Variants in PRUNE2 observed in about 807,000 individuals in gnomAD.
PRUNE2 encodes the protein protein prune homolog 2.
PRUNE2 carries 164 observed loss-of-function variants against 252.0 expected under a neutral mutation model. The observed-to-expected ratio is 0.65, with a 90% CI of 0.57 to 0.74. The LOEUF is 0.74. PRUNE2 is among the 30% of genes least tolerant of loss of function. PRUNE2 has a pLI of 0.00. For synonymous variants in PRUNE2, 1,292 were observed against 1,350.2 expected (o/e 0.96, Z 0.94); for missense variants, 3,495 against 3,711.0 (o/e 0.94, Z 1.51).
Position 76,708,374 on chromosome 9 carries a change from C to G in PRUNE2, c.3900G>C (p.Leu1300Phe), listed in dbSNP as rs2046459291. ...RETLQSDAASLATRLENPGYF... is the reference protein window; with the variant it reads ...RETLQSDAASFATRLENPGYF... ...ACCCTGGATTCTCAAGCCTAGTCGC[C>G]AAGGATGCTGCATCACTTTGCAGGG... Residue 1300 changes from leucine to phenylalanine, a missense_variant, in exon 8 of 19, where the codon TTG becomes TTC. Transcript: ENST00000376718. 1 of 1,613,716 alleles carries G rather than the reference C, an allele frequency of 6.2e-7. No individual in the cohort carries two copies. Among genetic ancestry groups the G allele is most frequent in the Non-Finnish European group, 8.5e-7 (1 of 1,179,900 alleles).
At chr9:76,719,494 C>CT (rs1406997240) in intron 6 of PRUNE2, among the ~76,000 whole-genome samples, 1 of 151,478 alleles carries the variant, frequency 6.6e-6, no homozygotes, top group East Asian at 1.9e-4. Context: ...GAAATATATT[C>CT]TTTTTTTTAG....
intron 9 of PRUNE2, among the ~76,000 whole-genome samples, chr9:76,665,256 C>G (rs895274215): frequency 2.6e-5 from 4 of 152,196 alleles, no homozygotes; most frequent in African/African-American, 9.7e-5. Context: ...TTCTCATTCC[C>G]CACTCCCCAC....
At chr9:76,683,921 T>C (rs1174791060) in intron 9 of PRUNE2, among the ~76,000 whole-genome samples, 1 of 150,896 alleles carries the variant, frequency 6.6e-6, no homozygotes, top group Non-Finnish European at 1.5e-5. Context: ...ACATAAAATA[T>C]ATATAGTATA....
intron 16 of PRUNE2, among the ~76,000 whole-genome samples, chr9:76,625,421 A>G (rs1359444692): frequency 6.6e-6 from 1 of 152,208 alleles, no homozygotes; most frequent in Non-Finnish European, 1.5e-5. Context: ...GGTGGTTTGT[A>G]TAAGTTCACT....
At chr9:76,845,234 TATG>T (rs2059613555) in intron 4 of PRUNE2, among the ~76,000 whole-genome samples, 1 of 152,214 alleles carries the variant, frequency 6.6e-6, no homozygotes, top group African/African-American at 2.4e-5. Context: ...TGTAGAAAAT[TATG>T]ATAATGAGCT....
At chr9:76,650,822 G>A (rs142382537) in intron 11 of PRUNE2, among the ~76,000 whole-genome samples, 6 of 152,122 alleles carry the variant, frequency 3.9e-5, no homozygotes, top group Non-Finnish European at 8.8e-5. Context: ...TGCTTTGCTC[G>A]ACAGTTTTAC....
intron 6 of PRUNE2, among the ~76,000 whole-genome samples, chr9:76,751,090 G>A (rs774115937): frequency 3.9e-5 from 6 of 152,164 alleles, no homozygotes; most frequent in East Asian, 1.9e-4. Flanking sequence ...ATCTAGACCC[G>A]TAACATACGC....
At chr9:76,875,267 C>A (rs1275130249) in intron 1 of PRUNE2, among the ~76,000 whole-genome samples, 1 of 152,232 alleles carries the variant, frequency 6.6e-6, no homozygotes, top group Non-Finnish European at 1.5e-5. Context: ...ACCTTCAATA[C>A]TCTTCAGTAC....
chr9:76,803,450 C>T (rs934953227), intron 6 of PRUNE2, among the ~76,000 whole-genome samples: 1 of 152,126 alleles, frequency 6.6e-6, no homozygotes, highest in Non-Finnish European at 1.5e-5. Context: ...CTAATTCTTG[C>T]CCTGATCCTA....
intron 9 of PRUNE2, among the ~76,000 whole-genome samples, chr9:76,669,616 A>G (rs2040916915): frequency 6.6e-6 from 1 of 152,186 alleles, no homozygotes; most frequent in African/African-American, 2.4e-5. Context: ...CGCCATGCCC[A>G]GCCTCGAATG....
chr9:76,721,066 C>T (rs2047607730), intron 6 of PRUNE2, among the ~76,000 whole-genome samples: 1 of 152,180 alleles, frequency 6.6e-6, no homozygotes, highest in Admixed American at 6.5e-5. Context: ...CGCACCACTG[C>T]ACTCCAGCCT....
At chr9:76,701,877 G>C (rs1172639227) in intron 9 of PRUNE2, among the ~76,000 whole-genome samples, 1 of 152,080 alleles carries the variant, frequency 6.6e-6, no homozygotes, top group Non-Finnish European at 1.5e-5. Flanking sequence ...AGGAAGCCTT[G>C]AGATCTTTCA....
chr9:76,898,378 G>T (rs1427730664), intron 1 of PRUNE2, among the ~76,000 whole-genome samples: 1 of 152,140 alleles, frequency 6.6e-6, no homozygotes, highest in Non-Finnish European at 1.5e-5. Flanking sequence ...CATCAAGGAT[G>T]GGAACACAGA....
At chr9:76,654,370 C>G (rs1193327107) in intron 10 of PRUNE2, among the ~76,000 whole-genome samples, 2 of 152,194 alleles carry the variant, frequency 1.3e-5, no homozygotes, top group Admixed American at 6.5e-5. Context: ...ATCACCCAAA[C>G]TCTGTTCTAG....
At position 76,832,416 on chromosome 9, in the gene PRUNE2, G is replaced by A. The variant is rs528073846; in HGVS notation, c.509-5684C>T. On this transcript the variant is annotated intron_variant, in intron 4 of 18. Transcript: ENST00000376718. Reference sequence around the variant, plus strand: ...GGTGGCCACTATAGAGTTATAGTCTGTGGTTACTTGAAAAATAGTCTAAAA... The same window carrying A: ...GGTGGCCACTATAGAGTTATAGTCTATGGTTACTTGAAAAATAGTCTAAAA... 3.3e-5 allele frequency among the ~76,000 whole-genome samples: 5 copies of A among 152,238 alleles called. No homozygotes were observed. In the East Asian group the frequency reaches 9.6e-4, roughly 29 times the overall value.
intron 17 of PRUNE2, among the ~76,000 whole-genome samples, chr9:76,622,077 A>T (rs1832591624): frequency 6.6e-6 from 1 of 152,216 alleles, no homozygotes; most frequent in African/African-American, 2.4e-5. Flanking sequence ...CATGTGCTCC[A>T]GGTCATTGCA....
chr9:76,796,764 T>G (rs2056127983), intron 6 of PRUNE2, among the ~76,000 whole-genome samples: 1 of 152,216 alleles, frequency 6.6e-6, no homozygotes, highest in African/African-American at 2.4e-5. Flanking sequence ...CGGGTAAAGC[T>G]GACCACTTTC....
intron 9 of PRUNE2, among the ~76,000 whole-genome samples, chr9:76,680,605 A>C (rs1370136415): frequency 6.6e-6 from 1 of 152,234 alleles, no homozygotes; most frequent in East Asian, 1.9e-4. Flanking sequence ...CATTCATAGC[A>C]GTTATAGGCA....
At position 76,709,552 on chromosome 9, in the gene PRUNE2, T is replaced by A. The variant is rs376431245; in HGVS notation, c.2722A>T (p.Thr908Ser). 202 of 1,613,986 alleles carry A rather than the reference T, an allele frequency of 1.3e-4. 1 individual carries two copies. In the African/African-American group the frequency reaches 2.4e-3, roughly 19 times the overall value. Residue 908 changes from threonine (T) to serine (S), a missense_variant, in exon 8 of 19, where the codon ACT becomes TCT. Physicochemically the swap from Thr to Ser is moderately conservative, Grantham distance 58. Transcript: ENST00000376718. ...ACCTTTTCATATACCTTGCCCCTAG[T>A]TTTAGGATCCACTAAACCATTCTGA... The part of the protein sequence containing the change: ...EDQNGLVDPK[T>S]RGKVYEKVDS...
Sources: allele counts gnomAD v4.1 joint callset (sites outside exome capture counted in the v4.1 genomes callset), GRCh38; gene constraint gnomAD v4.1.1; transcripts MANE v1.5; gene names NCBI Gene and HGNC (gene_info 2026-07-23, HGNC 2026-07-21).